Variants in KCND2 observed in about 807,000 individuals in gnomAD.
The protein encoded by KCND2 is potassium voltage-gated channel subfamily D member 2, also known as A-type voltage-gated potassium channel KCND2.
Under a neutral mutation model 54.4 loss-of-function variants are expected in KCND2, and 16 were observed. The ratio of observed to expected loss-of-function variants is 0.29; its 90% confidence interval spans 0.20 to 0.45. The LOEUF (loss-of-function observed/expected upper bound fraction) is 0.45, where lower values mean the gene tolerates loss of function less well. Among genes scored for constraint, KCND2 ranks in the 20% least tolerant of loss-of-function variants. The probability of loss-of-function intolerance (pLI) is 1.00; values close to 1 mark genes in which losing one functional copy is unlikely to be tolerated. For missense variants in KCND2, 486 were observed against 824.2 expected, an observed-to-expected ratio of 0.59 and a Z score of 5.02; for synonymous variants, 317 against 310.7, an observed-to-expected ratio of 1.02 and a Z score of -0.21.
Position 120,360,438 on chromosome 7 carries a change from T to C in KCND2, c.1115+84691T>C, listed in dbSNP as rs560460195. 3.5e-4 allele frequency among the ~76,000 whole-genome samples: 53 copies of C among 152,176 alleles called. No homozygotes were observed. The South Asian group carries it at 9.7e-3, about 28-fold the overall frequency. On this transcript the variant is annotated intron_variant, in intron 1 of 5. Coordinates refer to ENST00000331113, the MANE Select transcript of KCND2 (RefSeq NM_012281.3). ...TTGCATATGCCATGCTCTTATCACA[T>C]CATATTTTGCCTCAATGTTTGATCT...
intron 1 of KCND2, among the ~76,000 whole-genome samples, chr7:120,458,373 C>A (rs1228987404): frequency 6.6e-6 from 1 of 152,130 alleles, no homozygotes; most frequent in Non-Finnish European, 1.5e-5. Flanking sequence ...GTTTTTGATA[C>A]CAACCAAGAC....
chr7:120,571,839 A>C (rs1340043149), intron 1 of KCND2, among the ~76,000 whole-genome samples: 1 of 152,228 alleles, frequency 6.6e-6, no homozygotes, highest in Admixed American at 6.5e-5. Context: ...AATTGTGTGG[A>C]ATCCTGATTG....
chr7:120,627,795 A>G (rs1275627881), intron 1 of KCND2, among the ~76,000 whole-genome samples: 1 of 151,838 alleles, frequency 6.6e-6, no homozygotes, highest in East Asian at 1.9e-4. Flanking sequence ...ATAATTATGT[A>G]ATTTTAGGTG....
At chr7:120,437,204 C>CTTTTTTTTTT (rs66518858) in intron 1 of KCND2, among the ~76,000 whole-genome samples, 9 of 130,394 alleles carry the variant, frequency 6.9e-5, no homozygotes, top group South Asian at 2.4e-4. Flanking sequence ...CAATATACAA[C>CTTTTTTTTTT]TTTTTTTTTT....
chr7:120,689,712 G>A (rs966499719), intron 1 of KCND2, among the ~76,000 whole-genome samples: 2 of 152,148 alleles, frequency 1.3e-5, no homozygotes, highest in African/African-American at 2.4e-5. Context: ...CACGGAATAT[G>A]CATAAGCCCA....
At chr7:120,432,584 T>C (rs1342715447) in intron 1 of KCND2, among the ~76,000 whole-genome samples, 1 of 152,226 alleles carries the variant, frequency 6.6e-6, no homozygotes, top group Admixed American at 6.5e-5. Flanking sequence ...ACATAGCTTT[T>C]TGCCAAGTGG....
At chr7:120,313,741 A>ATTTTTTT (rs386411129) in intron 1 of KCND2, among the ~76,000 whole-genome samples, 13 of 132,254 alleles carry the variant, frequency 9.8e-5, no homozygotes, top group South Asian at 2.3e-4. Context: ...GTCTCCTGGG[A>ATTTTTTT]TTTTTTTTTT....
intron 1 of KCND2, among the ~76,000 whole-genome samples, chr7:120,329,208 G>A (rs1469622293): frequency 2.0e-5 from 3 of 146,468 alleles, no homozygotes; most frequent in African/African-American, 7.6e-5. Context: ...TGCAACCTCC[G>A]CCTCCTGGAT....
At chr7:120,742,695 GTC>G in intron 4 of KCND2, 93 bp downstream of exon 4, 1 of 960,618 alleles carries the variant, frequency 1.0e-6, no homozygotes. Flanking sequence ...TGATTTCACT[GTC>G]TGCATTACTG....
intron 1 of KCND2, among the ~76,000 whole-genome samples, chr7:120,715,576 C>T (rs543776361): frequency 2.0e-4 from 30 of 151,956 alleles, no homozygotes; most frequent in African/African-American, 7.2e-4. Context: ...ATGTTAGGAC[C>T]CCAGAATTAC....
At chr7:120,385,855 G>T (rs1460376514) in intron 1 of KCND2, among the ~76,000 whole-genome samples, 1 of 152,058 alleles carries the variant, frequency 6.6e-6, no homozygotes, top group Non-Finnish European at 1.5e-5. Context: ...TTATGCATTG[G>T]TTTCCAGCCG....
intron 1 of KCND2, among the ~76,000 whole-genome samples, chr7:120,421,871 A>G (rs539964265): frequency 1.3e-5 from 2 of 152,276 alleles, no homozygotes; most frequent in African/African-American, 4.8e-5. Context: ...GCTCCCTGAA[A>G]GAAAAGTGTT....
In KCND2 at chr7:120,274,980, T is replaced by C. The variant is rs1799152088; in HGVS notation, c.348T>C (p.Asp116=). ...GCCACGAGTGCATCTCTGCTTACGA[T>C]GAAGAACTGGCCTTCTTTGGCCTCA... ...YPRHECISAY[D]EELAFFGLIP... Residue 116 remains aspartate (D), a synonymous_variant, in exon 1 of 6, where the codon GAT becomes GAC. Transcript: ENST00000331113. 6.2e-7 allele frequency: 1 copy of C among 1,614,116 alleles called. No homozygotes were observed. The highest frequency in any genetic ancestry group is 8.5e-7 in the Non-Finnish European group (1 of 1,180,040).
intron 1 of KCND2, among the ~76,000 whole-genome samples, chr7:120,547,548 C>G (rs1356965788): frequency 6.6e-6 from 1 of 151,952 alleles, no homozygotes; most frequent in Non-Finnish European, 1.5e-5. Flanking sequence ...CTGTTCCCTC[C>G]AATTTCTCTC....
chr7:120,396,602 A>G (rs765830180), intron 1 of KCND2, among the ~76,000 whole-genome samples: 17 of 152,018 alleles, frequency 1.1e-4, no homozygotes, highest in Non-Finnish European at 2.1e-4. Flanking sequence ...ACGTTGGAAA[A>G]CAGAGGGACT....
intron 1 of KCND2, among the ~76,000 whole-genome samples, chr7:120,415,755 C>A (rs1801515683): frequency 6.6e-6 from 1 of 152,164 alleles, no homozygotes; most frequent in South Asian, 2.1e-4. Context: ...CAGTTCTCTC[C>A]TGACATTCAG....
At chr7:120,602,428 T>C (rs1376372853) in intron 1 of KCND2, among the ~76,000 whole-genome samples, 1 of 152,152 alleles carries the variant, frequency 6.6e-6, no homozygotes, top group African/African-American at 2.4e-5. Flanking sequence ...TCAATATGCC[T>C]GGACAGAGGT....
intron 1 of KCND2, among the ~76,000 whole-genome samples, chr7:120,358,239 T>C (rs1364964036): frequency 2.0e-5 from 3 of 152,168 alleles, no homozygotes; most frequent in African/African-American, 7.2e-5. Flanking sequence ...GTACAGATGG[T>C]GATGACCTTG....
intron 1 of KCND2, among the ~76,000 whole-genome samples, chr7:120,549,106 G>A (rs1792076750): frequency 6.6e-6 from 1 of 152,094 alleles, no homozygotes; most frequent in African/African-American, 2.4e-5. Flanking sequence ...CCATTAAGAT[G>A]TCAGAAGCCA....
Sources: allele counts gnomAD v4.1 joint callset (sites outside exome capture counted in the v4.1 genomes callset), GRCh38; gene constraint gnomAD v4.1.1; transcripts MANE v1.5; gene names NCBI Gene and HGNC (gene_info 2026-07-23, HGNC 2026-07-21).